The following GRIK2 variants were observed in gnomAD, a reference collection of about 807,000 sequenced individuals.
GRIK2 encodes glutamate receptor ionotropic, kainate 2.
GRIK2 carries 32 observed loss-of-function variants against 100.3 expected under a neutral mutation model. The observed-to-expected ratio is 0.32, with a 90% CI of 0.24 to 0.43. GRIK2 has a LOEUF of 0.43. Ranked by LOEUF, GRIK2 falls within the 20% of genes least tolerant of loss-of-function variation. GRIK2 has a pLI of 1.00. For synonymous variants in GRIK2, 417 were observed against 389.4 expected, an observed-to-expected ratio of 1.07 and a Z score of -0.83; for missense variants, 843 against 1,114.9, an observed-to-expected ratio of 0.76 and a Z score of 3.47.
intron 2 of GRIK2, among the ~76,000 whole-genome samples, chr6:101,440,196 C>T (rs1490889201): frequency 2.0e-5 from 3 of 151,734 alleles, no homozygotes; most frequent in African/African-American, 7.3e-5. Context: ...TCTACTAAAA[C>T]AATAAAACAA....
chr6:101,508,921 C>G (rs989499859), intron 2 of GRIK2, among the ~76,000 whole-genome samples: 1 of 151,856 alleles, frequency 6.6e-6, no homozygotes, highest in Non-Finnish European at 1.5e-5. Flanking sequence ...TTCGGGAGGC[C>G]GAGGTGGGTG....
At chr6:102,040,209 A>G (rs1216251185) in intron 15 of GRIK2, among the ~76,000 whole-genome samples, 1 of 151,572 alleles carries the variant, frequency 6.6e-6, no homozygotes, top group East Asian at 1.9e-4. Context: ...TTTAATATGA[A>G]GATTAAATTT....
chr6:101,679,023 C>T (rs932596667), intron 5 of GRIK2, among the ~76,000 whole-genome samples: 3 of 152,086 alleles, frequency 2.0e-5, no homozygotes, highest in African/African-American at 7.2e-5. Flanking sequence ...GATTCTACCT[C>T]CATCCAGATT....
intron 2 of GRIK2, among the ~76,000 whole-genome samples, chr6:101,542,299 A>G (rs1776037359): frequency 6.6e-6 from 1 of 152,090 alleles, no homozygotes; most frequent in Admixed American, 6.6e-5. Flanking sequence ...TGAAATTTTT[A>G]TAAAAATCAG....
At chr6:101,968,075 T>C (rs1355743254) in intron 14 of GRIK2, among the ~76,000 whole-genome samples, 3 of 151,872 alleles carry the variant, frequency 2.0e-5, no homozygotes, top group Non-Finnish European at 2.9e-5. Flanking sequence ...TGTGCCCTTC[T>C]CCAGTAATAC....
intron 14 of GRIK2, among the ~76,000 whole-genome samples, chr6:101,984,785 C>T (rs1793926459): frequency 6.6e-6 from 1 of 151,570 alleles, no homozygotes; most frequent in South Asian, 2.1e-4. Context: ...GAAGATGATC[C>T]CTATATCGGA....
chr6:101,639,314 G>A (rs960392841), intron 4 of GRIK2, among the ~76,000 whole-genome samples: 1 of 152,114 alleles, frequency 6.6e-6, no homozygotes, highest in Non-Finnish European at 1.5e-5. Flanking sequence ...GATTACAGGC[G>A]TGAGCCACCA....
chr6:101,959,909 G>T (rs1222690411), intron 14 of GRIK2, among the ~76,000 whole-genome samples: 1 of 151,932 alleles, frequency 6.6e-6, no homozygotes, highest in Non-Finnish European at 1.5e-5. Flanking sequence ...TAATTCCCTG[G>T]CCAGACCAGG....
intron 10 of GRIK2, among the ~76,000 whole-genome samples, chr6:101,828,137 C>T (rs993152983): frequency 5.3e-5 from 8 of 151,796 alleles, no homozygotes; most frequent in Admixed American, 3.3e-4. Context: ...CTCTCAAAAC[C>T]ACACAAATAC....
intron 11 of GRIK2, among the ~76,000 whole-genome samples, chr6:101,864,066 A>G (rs1011479393): frequency 6.7e-6 from 1 of 149,664 alleles, no homozygotes; most frequent in Non-Finnish European, 1.5e-5. Context: ...GAACCCGGGA[A>G]GCGGAGCTTG....
intron 8 of GRIK2, among the ~76,000 whole-genome samples, chr6:101,800,320 G>C (rs2128413632): frequency 6.6e-6 from 1 of 151,830 alleles, no homozygotes; most frequent in East Asian, 1.9e-4. Flanking sequence ...TTCTGACTAT[G>C]TCTGTTATAG....
chr6:101,941,803 A>C (rs1578291), intron 14 of GRIK2, among the ~76,000 whole-genome samples: 122,904 of 152,026 alleles, frequency 0.81, 49,845 homozygotes, highest in East Asian at 0.92. Flanking sequence ...GCTTTCTAAC[A>C]ATAGGAAAAA....
intron 9 of GRIK2, 137 bp from the exon 10 acceptor site, chr6:101,818,233 A>G: frequency 3.4e-6 from 2 of 591,266 alleles, no homozygotes; most frequent in Non-Finnish European, 3.0e-6. Flanking sequence ...TGCTTTAAAC[A>G]AGCTGCCTTT....
At chr6:102,058,159 G>A (rs950989925) in intron 16 of GRIK2, among the ~76,000 whole-genome samples, 1 of 151,686 alleles carries the variant, frequency 6.6e-6, no homozygotes, top group African/African-American at 2.4e-5. Flanking sequence ...TTCACGCTGC[G>A]AACCCCTAAG....
chr6:101,978,984 C>T (rs1793561477), intron 14 of GRIK2, among the ~76,000 whole-genome samples: 1 of 151,852 alleles, frequency 6.6e-6, no homozygotes, highest in African/African-American at 2.4e-5. Flanking sequence ...GCCACAATAC[C>T]CCACTTTCCA....
intron 7 of GRIK2, among the ~76,000 whole-genome samples, chr6:101,787,103 T>A (rs1779477094): frequency 6.6e-6 from 1 of 151,920 alleles, no homozygotes; most frequent in South Asian, 2.1e-4. Context: ...AGTTTGTTAG[T>A]ACATAGTTTT....
intron 9 of GRIK2, among the ~76,000 whole-genome samples, chr6:101,815,358 CATAAA>C (rs1781570632): frequency 1.3e-5 from 2 of 152,056 alleles, no homozygotes; most frequent in African/African-American, 4.8e-5. Flanking sequence ...CCAATCAGAA[CATAAA>C]ATAAAAATGA....
intron 15 of GRIK2, among the ~76,000 whole-genome samples, chr6:102,036,140 A>T (rs1031618841): frequency 1.3e-5 from 2 of 151,212 alleles, no homozygotes; most frequent in Non-Finnish European, 1.5e-5. Flanking sequence ...AAATGAGATA[A>T]TGAATTGTAA....
intron 2 of GRIK2, among the ~76,000 whole-genome samples, chr6:101,487,726 A>G (rs1443208759): frequency 6.8e-6 from 1 of 146,676 alleles, no homozygotes. Context: ...ATATTTATCA[A>G]TACTATGTAG....
Sources: gnomAD v4.1 joint callset for allele counts (sites outside exome capture counted in the v4.1 genomes callset) on GRCh38, gnomAD v4.1.1 for gene constraint, MANE v1.5 for transcripts, NCBI Gene and HGNC (gene_info 2026-07-23, HGNC 2026-07-21) for gene names.